The following ZMIZ1 variants were observed in gnomAD, a reference collection of about 807,000 sequenced individuals.
ZMIZ1 encodes zinc finger MIZ-type containing 1, also known as zinc finger MIZ domain-containing protein 1.
A neutral mutation model predicts 113.9 loss-of-function variants in ZMIZ1; 17 were observed. The observed-to-expected ratio is 0.15, with a 90% CI of 0.10 to 0.22. The LOEUF is 0.22. ZMIZ1 is among the 10% of genes least tolerant of loss of function. The pLI, the probability that ZMIZ1 is intolerant of heterozygous loss-of-function variation, is 1.00. For synonymous variants in ZMIZ1, 607 were observed against 603.1 expected (o/e 1.01, Z -0.09); for missense variants, 1,059 against 1,477.8 (o/e 0.72, Z 4.65).
At chr10:79,235,834 C>T (rs1849567194) in intron 7 of ZMIZ1, among the ~76,000 whole-genome samples, 1 of 152,208 alleles carries the variant, frequency 6.6e-6, no homozygotes. Context: ...GCAGGGCATG[C>T]CCTGGACGCT....
intron 3 of ZMIZ1, among the ~76,000 whole-genome samples, chr10:79,151,663 C>T (rs1379115045): frequency 2.0e-5 from 3 of 152,228 alleles, no homozygotes; most frequent in Non-Finnish European, 4.4e-5. Flanking sequence ...AGGGTGGCAC[C>T]ACCACCCCTC....
intron 7 of ZMIZ1, among the ~76,000 whole-genome samples, chr10:79,260,756 T>C (rs1158387078): frequency 6.6e-6 from 1 of 152,214 alleles, no homozygotes; most frequent in African/African-American, 2.4e-5. Flanking sequence ...ACATTAGCTT[T>C]ATAAGGAGAA....
At chr10:79,072,249 A>G (rs1842313142) in intron 1 of ZMIZ1, among the ~76,000 whole-genome samples, 1 of 152,170 alleles carries the variant, frequency 6.6e-6, no homozygotes, top group Non-Finnish European at 1.5e-5. Flanking sequence ...TGGCGACAGA[A>G]CCAGTTTCTC....
chr10:79,098,247 GT>G (rs1472428004), intron 1 of ZMIZ1, among the ~76,000 whole-genome samples: 1 of 152,242 alleles, frequency 6.6e-6, no homozygotes, highest in African/African-American at 2.4e-5. Context: ...GAATCCTGGA[GT>G]TTATGCGGGA....
chr10:79,157,070 T>A (rs571897276), intron 3 of ZMIZ1, among the ~76,000 whole-genome samples: 1 of 152,206 alleles, frequency 6.6e-6, no homozygotes, highest in South Asian at 2.1e-4. Flanking sequence ...TCTTTGAGCA[T>A]TGAAGGATGG....
At chr10:79,279,440 C>T (rs1311543479) in intron 8 of ZMIZ1, among the ~76,000 whole-genome samples, 8 of 151,710 alleles carry the variant, frequency 5.3e-5, no homozygotes, top group South Asian at 2.1e-4. Context: ...ACTTCCTAGA[C>T]GGGATGTCAG....
At chr10:79,097,594 G>A (rs192635628) in intron 1 of ZMIZ1, among the ~76,000 whole-genome samples, 144 of 152,308 alleles carry the variant, frequency 9.5e-4, no homozygotes, top group Non-Finnish European at 7.8e-4. Context: ...AGAGACTGAT[G>A]CATCATTAAT....
chr10:79,305,043 G>A (rs574778758), intron 19 of ZMIZ1, 121 bp from the exon 20 acceptor site: 36 of 1,105,282 alleles, frequency 3.3e-5, no homozygotes, highest in East Asian at 7.4e-5. Context: ...GCCCCAGCCC[G>A]GGGTTTCTCC....
intron 1 of ZMIZ1, among the ~76,000 whole-genome samples, chr10:79,104,678 G>C (rs371321346): frequency 3.9e-5 from 6 of 152,248 alleles, no homozygotes; most frequent in East Asian, 1.9e-4. Flanking sequence ...CTTCCTGTGA[G>C]AGCCACAGCC....
At chr10:79,297,932 G>T (rs1854015877) in intron 14 of ZMIZ1, among the ~76,000 whole-genome samples, 1 of 152,132 alleles carries the variant, frequency 6.6e-6, no homozygotes. Flanking sequence ...AGGGAGAGGG[G>T]TTCCTGGGGA....
At chr10:79,120,039 T>A (rs893046523) in intron 2 of ZMIZ1, among the ~76,000 whole-genome samples, 3 of 148,408 alleles carry the variant, frequency 2.0e-5, no homozygotes, top group Non-Finnish European at 3.0e-5. Flanking sequence ...GTGGAGAGGG[T>A]TCAGAGGCTG....
At chr10:79,129,385 G>A (rs1490214248) in intron 2 of ZMIZ1, among the ~76,000 whole-genome samples, 1 of 152,208 alleles carries the variant, frequency 6.6e-6, no homozygotes, top group Non-Finnish European at 1.5e-5. Context: ...GACCACCCAA[G>A]GCCTGCCTGA....
chr10:79,088,029 A>G (rs375831575), intron 1 of ZMIZ1, among the ~76,000 whole-genome samples: 3 of 152,232 alleles, frequency 2.0e-5, no homozygotes, highest in African/African-American at 7.2e-5. Flanking sequence ...TGCAAGTTGA[A>G]TAACACATGG....
intron 2 of ZMIZ1, among the ~76,000 whole-genome samples, chr10:79,123,655 C>T (rs972254664): frequency 7.9e-5 from 12 of 152,218 alleles, no homozygotes; most frequent in African/African-American, 2.9e-4. Flanking sequence ...TCCCAAACAG[C>T]TGTTGCTCAG....
chr10:79,271,592 C>T (rs762715973), intron 7 of ZMIZ1, among the ~76,000 whole-genome samples: 11 of 152,186 alleles, frequency 7.2e-5, no homozygotes, highest in Admixed American at 6.5e-5. Context: ...CCACCCTGCA[C>T]ACTTGCTGGC....
intron 1 of ZMIZ1, among the ~76,000 whole-genome samples, chr10:79,091,748 A>G (rs1477925332): frequency 1.3e-5 from 2 of 152,158 alleles, no homozygotes; most frequent in Non-Finnish European, 2.9e-5. Context: ...GCCAGCACCC[A>G]TGGACTTTAG....
At chr10:79,139,110 G>GGAGT (rs1845146840) in intron 2 of ZMIZ1, among the ~76,000 whole-genome samples, 1 of 152,324 alleles carries the variant, frequency 6.6e-6, no homozygotes, top group African/African-American at 2.4e-5. Flanking sequence ...GAGGGGCAAG[G>GGAGT]GAGTGAGCTG....
intron 5 of ZMIZ1, among the ~76,000 whole-genome samples, chr10:79,205,024 A>C (rs1848258381): frequency 6.6e-6 from 1 of 152,188 alleles, no homozygotes; most frequent in Non-Finnish European, 1.5e-5. Flanking sequence ...TGAATGGATG[A>C]ATCACTTGAT....
chr10:79,290,870 T>G lies in ZMIZ1; in HGVS notation c.541-89T>G, dbSNP rs1589576136. 2.3e-5 allele frequency: 34 copies of G among 1,481,720 alleles called. No homozygotes were observed. In the East Asian group the frequency reaches 7.8e-4, roughly 34 times the overall value. The allele number at this position is 1,481,720 out of a possible 1,614,324, so 91.8% of individuals were successfully genotyped here. On this transcript the variant is annotated intron_variant, in intron 9 of 24. Coordinates refer to ENST00000334512, the MANE Select transcript of ZMIZ1 (RefSeq NM_020338.4). ...CTGTTGTCCTGCCTCCACTTTGTTC[T>G]TTCTCCCTTTCCCCTCTTCATTTAT...
Sources: gnomAD v4.1 joint callset for allele counts (sites outside exome capture counted in the v4.1 genomes callset) on GRCh38, gnomAD v4.1.1 for gene constraint, MANE v1.5 for transcripts, NCBI Gene and HGNC (gene_info 2026-07-23, HGNC 2026-07-21) for gene names.